The following DPP10 variants were observed in gnomAD, a reference collection of about 807,000 sequenced individuals.
The protein encoded by DPP10 is dipeptidyl peptidase like 10, also known as inactive dipeptidyl peptidase 10.
In DPP10, 33 loss-of-function variants were observed where a neutral mutation model predicts 120.9. That is an observed-to-expected ratio of 0.27 (90% CI 0.21 to 0.37). The LOEUF (loss-of-function observed/expected upper bound fraction) is 0.37. Among genes scored for constraint, DPP10 ranks in the 10% least tolerant of loss-of-function variants. DPP10 has a pLI of 1.00. For synonymous variants in DPP10, 337 were observed against 326.1 expected (o/e 1.03, Z -0.36); for missense variants, 816 against 942.8 (o/e 0.87, Z 1.76).
At chr2:115,745,170 AT>A (rs1677792176) in intron 9 of DPP10, among the ~76,000 whole-genome samples, 1 of 150,554 alleles carries the variant, frequency 6.6e-6, no homozygotes, top group Non-Finnish European at 1.5e-5. Context: ...AAAGCGCAAT[AT>A]TCGCATTGTA....
chr2:114,554,239 G>A lies in DPP10; in HGVS notation c.60+111401G>A, dbSNP rs550950969. ...GTCAGAAATATCAAGATACCTTAAG[G>A]GGCTTTCTCCTTAAGATGTCAACAA... On this transcript the variant is annotated intron_variant, in intron 1 of 25. Coordinates refer to ENST00000410059, the MANE Select transcript of DPP10 (RefSeq NM_020868.6). Among the ~76,000 whole-genome samples the A allele has an allele frequency of 5.3e-5, 8 of 152,234 alleles. 1 individual carries two copies. In the South Asian group the frequency reaches 1.7e-3, roughly 32 times the overall value.
chr2:115,180,869 G>T (rs999129513), intron 1 of DPP10, among the ~76,000 whole-genome samples: 10 of 152,086 alleles, frequency 6.6e-5, no homozygotes, highest in Non-Finnish European at 1.0e-4. Flanking sequence ...GTAACCCCAA[G>T]AACTCTTGAT....
chr2:114,701,184 C>T (rs772711943), intron 1 of DPP10, among the ~76,000 whole-genome samples: 11 of 152,048 alleles, frequency 7.2e-5, no homozygotes, highest in Non-Finnish European at 1.6e-4. Context: ...GAATGTAATT[C>T]TTAAGTGCTA....
chr2:115,325,945 G>A (rs571357534), intron 2 of DPP10, among the ~76,000 whole-genome samples: 1 of 152,058 alleles, frequency 6.6e-6, no homozygotes, highest in Non-Finnish European at 1.5e-5. Flanking sequence ...CATTGTAGAG[G>A]TTTTTTGCTG....
chr2:114,862,911 A>G, intron 1 of DPP10, among the ~76,000 whole-genome samples: 1 of 102,078 alleles, frequency 9.8e-6, no homozygotes, highest in East Asian at 3.1e-4. Context: ...AAAAAAAAAA[A>G]AACCCCTCTT....
At chr2:114,488,336 C>G (rs1657835776) in intron 1 of DPP10, among the ~76,000 whole-genome samples, 1 of 152,144 alleles carries the variant, frequency 6.6e-6, no homozygotes, top group African/African-American at 2.4e-5. Context: ...GTTTCTTTAT[C>G]TGTAACGTGA....
At chr2:115,650,419 G>A (rs563921429) in intron 5 of DPP10, among the ~76,000 whole-genome samples, 1 of 139,620 alleles carries the variant, frequency 7.2e-6, no homozygotes, top group Non-Finnish European at 1.5e-5. Flanking sequence ...AAGGGGGGGG[G>A]GGATAATCCA....
chr2:115,259,146 A>G (rs530522565), intron 1 of DPP10, among the ~76,000 whole-genome samples: 21 of 152,258 alleles, frequency 1.4e-4, no homozygotes, highest in African/African-American at 3.1e-4. Flanking sequence ...TGGAATTCCA[A>G]TCATCCTGCC....
chr2:114,531,335 AAAAG>A (rs1398082381), intron 1 of DPP10, among the ~76,000 whole-genome samples: 1 of 152,040 alleles, frequency 6.6e-6, no homozygotes, highest in Non-Finnish European at 1.5e-5. Context: ...AAGACTTCTA[AAAAG>A]TACTGCTTAT....
chr2:114,772,270 G>C (rs542372996), intron 1 of DPP10, among the ~76,000 whole-genome samples: 1 of 151,928 alleles, frequency 6.6e-6, no homozygotes, highest in East Asian at 1.9e-4. Flanking sequence ...CTATTCTCCT[G>C]CCTCAGCCCA....
intron 1 of DPP10, among the ~76,000 whole-genome samples, chr2:115,254,735 C>T (rs569387145): frequency 9.9e-5 from 15 of 152,272 alleles, no homozygotes; most frequent in African/African-American, 3.1e-4. Flanking sequence ...ACAGGCCCCA[C>T]GCAAGTCTGA....
intron 5 of DPP10, among the ~76,000 whole-genome samples, chr2:115,529,549 G>T (rs989630): frequency 0.97 from 147,210 of 151,932 alleles, 71,488 homozygotes; most frequent in East Asian, 1. Flanking sequence ...CCCGAACAAG[G>T]TACTGGAAAG....
intron 2 of DPP10, among the ~76,000 whole-genome samples, chr2:115,340,196 A>G (rs1475133999): frequency 6.6e-6 from 1 of 152,194 alleles, no homozygotes; most frequent in Non-Finnish European, 1.5e-5. Context: ...CTATAATTTA[A>G]TATGTAGAAA....
intron 1 of DPP10, among the ~76,000 whole-genome samples, chr2:114,737,626 C>A (rs1421388013): frequency 6.6e-6 from 1 of 152,188 alleles, no homozygotes; most frequent in African/African-American, 2.4e-5. Flanking sequence ...TTTCAAAAGG[C>A]TGTCATCCAA....
intron 1 of DPP10, among the ~76,000 whole-genome samples, chr2:115,110,066 A>T (rs2049138121): frequency 6.6e-6 from 1 of 152,214 alleles, no homozygotes; most frequent in African/African-American, 2.4e-5. Context: ...TTAGTGAAGT[A>T]AACTCTGTGT....
At chr2:115,289,043 C>A (rs1039213089) in intron 1 of DPP10, among the ~76,000 whole-genome samples, 1 of 152,028 alleles carries the variant, frequency 6.6e-6, no homozygotes, top group Non-Finnish European at 1.5e-5. Flanking sequence ...ACCCAGAAAA[C>A]CCTAAAGATT....
intron 1 of DPP10, among the ~76,000 whole-genome samples, chr2:114,827,932 T>C (rs1207288488): frequency 6.6e-6 from 1 of 152,210 alleles, no homozygotes; most frequent in East Asian, 1.9e-4. Context: ...TTTTCTTTTT[T>C]TACAATAACA....
At chr2:115,189,999 A>G (rs1157838460) in intron 1 of DPP10, among the ~76,000 whole-genome samples, 2 of 152,098 alleles carry the variant, frequency 1.3e-5, no homozygotes, top group African/African-American at 2.4e-5. Context: ...TGTTTGGATG[A>G]AGGTGCAACA....
intron 5 of DPP10, among the ~76,000 whole-genome samples, chr2:115,584,517 C>T (rs577331156): frequency 2.6e-5 from 4 of 152,164 alleles, no homozygotes; most frequent in Non-Finnish European, 5.9e-5. Flanking sequence ...ACATGGCCTG[C>T]GAAAGCTAAA....
Sources: gnomAD v4.1 joint callset for allele counts (sites outside exome capture counted in the v4.1 genomes callset) on GRCh38, gnomAD v4.1.1 for gene constraint, MANE v1.5 for transcripts, NCBI Gene and HGNC (gene_info 2026-07-23, HGNC 2026-07-21) for gene names.